RAPGEF4: variants seen among roughly 807,000 people sequenced by gnomAD.
RAPGEF4 encodes Rap guanine nucleotide exchange factor 4.
In RAPGEF4, 66 loss-of-function variants were observed where a neutral mutation model predicts 147.9. That is an observed-to-expected ratio of 0.45 (90% confidence interval 0.37 to 0.55). The LOEUF is 0.55. RAPGEF4 is among the 20% of genes least tolerant of loss of function. The probability of loss-of-function intolerance (pLI) is 0.00; values close to 1 mark genes in which losing one functional copy is unlikely to be tolerated. For synonymous variants in RAPGEF4, 419 were observed against 442.7 expected (o/e 0.95, Z 0.67); for missense variants, 1,071 against 1,257.3 (o/e 0.85, Z 2.24).
At chr2:172,948,039 T>C (rs1039484203) in intron 6 of RAPGEF4, among the ~76,000 whole-genome samples, 1 of 152,236 alleles carries the variant, frequency 6.6e-6, no homozygotes, top group African/African-American at 2.4e-5. Context: ...ATCTGGTGTA[T>C]ACCTTTTGTA....
At chr2:172,867,615 C>T (rs933590128) in intron 4 of RAPGEF4, among the ~76,000 whole-genome samples, 1 of 152,192 alleles carries the variant, frequency 6.6e-6, no homozygotes, top group Non-Finnish European at 1.5e-5. Context: ...GGTTGGAAGA[C>T]TCCATCTAAT....
chr2:172,831,461 G>A (rs1421024628), intron 4 of RAPGEF4, among the ~76,000 whole-genome samples: 1 of 151,514 alleles, frequency 6.6e-6, no homozygotes, highest in African/African-American at 2.4e-5. Flanking sequence ...TAGAGATGGA[G>A]TTTCACCATG....
At chr2:172,804,044 G>A (rs931449938) in intron 3 of RAPGEF4, among the ~76,000 whole-genome samples, 4 of 151,980 alleles carry the variant, frequency 2.6e-5, no homozygotes, top group Admixed American at 2.0e-4. Flanking sequence ...GGAATTGTGG[G>A]AGTTACAATT....
chr2:172,758,993 G>C (rs1696044027), intron 1 of RAPGEF4, among the ~76,000 whole-genome samples: 1 of 152,160 alleles, frequency 6.6e-6, no homozygotes, highest in South Asian at 2.1e-4. Context: ...AAGCTGCATG[G>C]GATTGACCAA....
At chr2:172,823,177 G>C (rs1046766430) in intron 4 of RAPGEF4, among the ~76,000 whole-genome samples, 1 of 152,192 alleles carries the variant, frequency 6.6e-6, no homozygotes, top group African/African-American at 2.4e-5. Flanking sequence ...TGGGTAGCAA[G>C]GCTGTTTTTC....
chr2:173,045,714 A>G (rs1685386021), intron 29 of RAPGEF4, among the ~76,000 whole-genome samples: 1 of 152,266 alleles, frequency 6.6e-6, no homozygotes, highest in Non-Finnish European at 1.5e-5. Context: ...ATAAGTTTTA[A>G]TAATCAGAGA....
At chr2:172,832,698 T>G (rs72900214) in intron 4 of RAPGEF4, among the ~76,000 whole-genome samples, 2,279 of 152,370 alleles carry the variant, frequency 0.015, 19 homozygotes, top group South Asian at 0.034. Context: ...CAAAACTGAT[T>G]CAACTGTTTT....
intron 4 of RAPGEF4, among the ~76,000 whole-genome samples, chr2:172,840,324 A>G (rs980673425): frequency 6.6e-6 from 1 of 152,224 alleles, no homozygotes; most frequent in Non-Finnish European, 1.5e-5. Flanking sequence ...TGATCATGCA[A>G]TTCTGGAAGG....
At chr2:172,867,696 A>C (rs1286497354) in intron 4 of RAPGEF4, among the ~76,000 whole-genome samples, 1 of 152,236 alleles carries the variant, frequency 6.6e-6, no homozygotes, top group Non-Finnish European at 1.5e-5. Context: ...TCATAATTAA[A>C]ATGTGGTGAA....
intron 1 of RAPGEF4, among the ~76,000 whole-genome samples, chr2:172,748,501 T>C (rs1016814086): frequency 6.6e-6 from 1 of 152,088 alleles, no homozygotes; most frequent in Admixed American, 6.5e-5. Context: ...ATGAGACTTA[T>C]CCACTACCAC....
chr2:172,877,637 G>A (rs567538914), intron 4 of RAPGEF4, among the ~76,000 whole-genome samples: 13 of 152,194 alleles, frequency 8.5e-5, no homozygotes, highest in East Asian at 1.9e-4. Context: ...GCTGGGCTGC[G>A]GCACCAGCTG....
intron 5 of RAPGEF4, among the ~76,000 whole-genome samples, chr2:172,919,793 C>G (rs1468138029): frequency 6.6e-6 from 1 of 152,158 alleles, no homozygotes; most frequent in Non-Finnish European, 1.5e-5. Flanking sequence ...AGCCCCTCCT[C>G]TGGAGAGGCC....
intron 4 of RAPGEF4, among the ~76,000 whole-genome samples, chr2:172,874,503 G>A (rs1021166769): frequency 1.3e-5 from 2 of 152,030 alleles, no homozygotes; most frequent in Non-Finnish European, 2.9e-5. Context: ...GCGATGTTTG[G>A]TTTTTTGTCC....
intron 4 of RAPGEF4, among the ~76,000 whole-genome samples, chr2:172,880,204 C>T (rs1696447910): frequency 6.6e-6 from 1 of 152,170 alleles, no homozygotes. Context: ...CCTGATGCCC[C>T]AGAGCTCTGG....
chr2:172,829,655 A>G (rs1004956491), intron 4 of RAPGEF4, among the ~76,000 whole-genome samples: 7 of 152,154 alleles, frequency 4.6e-5, no homozygotes, highest in African/African-American at 1.7e-4. Flanking sequence ...TCTGAAGAAG[A>G]TAATTTAAGT....
chr2:172,894,366 T>A (rs1478469177), intron 4 of RAPGEF4: 3 of 152,236 alleles, frequency 2.0e-5, no homozygotes, highest in Non-Finnish European at 4.4e-5. Flanking sequence ...GGCCAGAGAT[T>A]CCCTTTGCGC....
chr2:172,944,266 G>A (rs967454643), intron 6 of RAPGEF4, among the ~76,000 whole-genome samples: 3 of 152,080 alleles, frequency 2.0e-5, no homozygotes, highest in African/African-American at 7.2e-5. Context: ...ATCCCTTTAG[G>A]TTTATGCGAT....
intron 26 of RAPGEF4, among the ~76,000 whole-genome samples, chr2:173,032,183 G>T (rs578087700): frequency 6.6e-6 from 1 of 152,328 alleles, no homozygotes; most frequent in Non-Finnish European, 1.5e-5. Context: ...GAGCAGAACA[G>T]TTCTTGGTCG....
At chr2:172,779,439 G>C (rs1006923109) in intron 1 of RAPGEF4, among the ~76,000 whole-genome samples, 1 of 152,178 alleles carries the variant, frequency 6.6e-6, no homozygotes, top group Admixed American at 6.5e-5. Flanking sequence ...AGAAGGAATA[G>C]TTGTTGCAAG....
Sources: gnomAD v4.1 joint callset for allele counts (sites outside exome capture counted in the v4.1 genomes callset) on GRCh38, gnomAD v4.1.1 for gene constraint, MANE v1.5 for transcripts, NCBI Gene and HGNC (gene_info 2026-07-23, HGNC 2026-07-21) for gene names.